Variants in PRKG1 observed in about 807,000 individuals in gnomAD.
The protein encoded by PRKG1 is cGMP-dependent protein kinase 1.
Under a neutral mutation model 88.1 loss-of-function variants are expected in PRKG1, and 35 were observed. The ratio of observed to expected loss-of-function variants is 0.40; its 90% CI spans 0.30 to 0.53. The LOEUF (loss-of-function observed/expected upper bound fraction) is 0.53, where lower values mean the gene tolerates loss of function less well. Among genes scored for constraint, PRKG1 ranks in the 20% least tolerant of loss-of-function variants. The probability of loss-of-function intolerance (pLI) is 0.59; values close to 1 mark genes in which losing one functional copy is unlikely to be tolerated. For synonymous variants in PRKG1, 303 were observed against 292.5 expected, an observed-to-expected ratio of 1.04 and a Z score of -0.37; for missense variants, 540 against 839.8, an observed-to-expected ratio of 0.64 and a Z score of 4.41.
At chr10:51,082,285 T>C (rs965128091) in intron 1 of PRKG1, among the ~76,000 whole-genome samples, 10 of 152,308 alleles carry the variant, frequency 6.6e-5, no homozygotes, top group Middle Eastern at 3.4e-3. Flanking sequence ...AGGAAAACTT[T>C]ATGAATAACA....
At chr10:51,461,765 T>C (rs1003663376) in intron 2 of PRKG1, among the ~76,000 whole-genome samples, 1 of 152,180 alleles carries the variant, frequency 6.6e-6, no homozygotes, top group Non-Finnish European at 1.5e-5. Context: ...AAGACATATA[T>C]AAATGACTAA....
At chr10:51,772,056 G>A (rs1326108452) in intron 3 of PRKG1, among the ~76,000 whole-genome samples, 2 of 151,570 alleles carry the variant, frequency 1.3e-5, no homozygotes, top group East Asian at 1.9e-4. Flanking sequence ...ATATTGATTC[G>A]ACTTTTGATA....
intron 3 of PRKG1, among the ~76,000 whole-genome samples, chr10:51,535,429 C>CT (rs950783152): frequency 3.3e-5 from 5 of 152,136 alleles, no homozygotes; most frequent in African/African-American, 7.2e-5. Context: ...TTAAGTGAGA[C>CT]TTTTTTAAAA....
At chr10:52,122,317 C>G (rs1203678383) in intron 7 of PRKG1, among the ~76,000 whole-genome samples, 1 of 152,204 alleles carries the variant, frequency 6.6e-6, no homozygotes, top group African/African-American at 2.4e-5. Flanking sequence ...ACCTAATTAC[C>G]TCTTAATGGT....
intron 3 of PRKG1, chr10:51,697,322 G>A (rs1841321718): frequency 1.1e-5 from 2 of 184,296 alleles, no homozygotes; most frequent in Admixed American, 5.7e-5. Context: ...GTACATTAAC[G>A]TTTTAACAGG....
At chr10:51,256,041 T>C (rs1250735406) in intron 2 of PRKG1, among the ~76,000 whole-genome samples, 1 of 152,114 alleles carries the variant, frequency 6.6e-6, no homozygotes, top group East Asian at 1.9e-4. Flanking sequence ...TCCCCAGTGC[T>C]TTTTTATTAA....
chr10:51,899,844 C>A lies in PRKG1; in HGVS notation c.699-7663C>A, dbSNP rs376669521. Among the ~76,000 whole-genome samples the A allele has an allele frequency of 2.6e-5, 4 of 151,698 alleles. No individual in the cohort carries two copies. The East Asian group carries it at 5.8e-4, about 22-fold the overall frequency. ...ACTGAGTGGGTTGTGTTGGATCATG[C>A]GGTTGCATACCTCATGAGTGGGTTA... On this transcript the variant is annotated intron_variant, in intron 4 of 17. Coordinates refer to ENST00000373980, the MANE Select transcript of PRKG1 (RefSeq NM_006258.4).
intron 7 of PRKG1, among the ~76,000 whole-genome samples, chr10:52,097,565 T>A (rs997696644): frequency 6.6e-6 from 1 of 152,096 alleles, no homozygotes; most frequent in South Asian, 2.1e-4. Flanking sequence ...TTGTTTTGTT[T>A]TTCTTTGATA....
At chr10:51,259,086 A>G (rs1480955289) in intron 2 of PRKG1, among the ~76,000 whole-genome samples, 1 of 152,204 alleles carries the variant, frequency 6.6e-6, no homozygotes, top group Non-Finnish European at 1.5e-5. Context: ...CTTATTTCTT[A>G]AGACACATTT....
intron 9 of PRKG1, among the ~76,000 whole-genome samples, chr10:52,244,759 G>C (rs373975566): frequency 2.1e-5 from 1 of 48,282 alleles, no homozygotes; most frequent in African/African-American, 4.5e-5. Flanking sequence ...TATATATTAA[G>C]ATATATTTAA....
At chr10:51,697,753 C>T (rs775227276) in intron 3 of PRKG1, 1 of 1,613,992 alleles carries the variant, frequency 6.2e-7, no homozygotes, top group Non-Finnish European at 8.5e-7. Flanking sequence ...GGATACTCTG[C>T]CTTTGCTCAG....
At chr10:51,123,692 C>CA (rs34103294) in intron 1 of PRKG1, among the ~76,000 whole-genome samples, 31,198 of 133,326 alleles carry the variant, frequency 0.23, 3,481 homozygotes, top group Admixed American at 0.28. Context: ...GACTCCATCT[C>CA]AAAAAAAAAA....
intron 5 of PRKG1, among the ~76,000 whole-genome samples, chr10:51,960,996 C>A (rs1325680105): frequency 6.6e-6 from 1 of 152,118 alleles, no homozygotes; most frequent in East Asian, 1.9e-4. Flanking sequence ...TTCTGCCAGT[C>A]TTCATGTTAT....
intron 3 of PRKG1, among the ~76,000 whole-genome samples, chr10:51,638,895 C>T (rs143140759): frequency 1.3e-5 from 2 of 152,090 alleles, no homozygotes; most frequent in Non-Finnish European, 2.9e-5. Flanking sequence ...AATGAAATAC[C>T]TTAAATGGCC....
chr10:51,066,695 A>C lies in PRKG1; in HGVS notation c.266+75051A>C, dbSNP rs145194708. The stretch of plus-strand genomic sequence containing the variant: ...TGGTATATACAGTATGTAATATTTT[A>C]TGTATTTACTGTATATTTATTTTGG... On this transcript the variant is annotated intron_variant, in intron 1 of 17. Coordinates refer to the PRKG1 transcript ENST00000401604. Among the ~76,000 whole-genome samples the C allele has an allele frequency of 5.1e-4, 78 of 152,220 alleles. 1 individual carries two copies. Among genetic ancestry groups the C allele is most frequent in the East Asian group, 4.4e-3 (23 of 5,188 alleles).
intron 3 of PRKG1, among the ~76,000 whole-genome samples, chr10:51,628,752 G>A (rs527438696): frequency 4.3e-4 from 65 of 151,716 alleles, no homozygotes; most frequent in Admixed American, 9.2e-4. Context: ...GAGGTCAGGA[G>A]ATCGAGACCA....
At chr10:51,326,092 C>T (rs984830581) in intron 2 of PRKG1, among the ~76,000 whole-genome samples, 2 of 152,196 alleles carry the variant, frequency 1.3e-5, no homozygotes, top group Non-Finnish European at 2.9e-5. Context: ...TAGCATTAAC[C>T]TAAGTCCTTT....
chr10:51,124,472 G>C (rs1232139685), intron 1 of PRKG1, among the ~76,000 whole-genome samples: 9 of 152,052 alleles, frequency 5.9e-5, no homozygotes, highest in Non-Finnish European at 1.0e-4. Context: ...TGAGGATTTA[G>C]GAAAGTTGAC....
chr10:51,445,224 G>A (rs151236427), intron 2 of PRKG1, among the ~76,000 whole-genome samples: 4 of 151,834 alleles, frequency 2.6e-5, no homozygotes, highest in South Asian at 2.1e-4. Flanking sequence ...AGTGTTCTTG[G>A]AACTGAAAAT....
Sources: allele counts gnomAD v4.1 joint callset (sites outside exome capture counted in the v4.1 genomes callset), GRCh38; gene constraint gnomAD v4.1.1; transcripts MANE v1.5; gene names NCBI Gene and HGNC (gene_info 2026-07-23, HGNC 2026-07-21).